The following LTBP2 variants were observed in gnomAD, a reference collection of about 807,000 sequenced individuals.
The protein encoded by LTBP2 is latent transforming growth factor beta binding protein 2, also known as latent-transforming growth factor beta-binding protein 2.
Under a neutral mutation model 210.6 loss-of-function variants are expected in LTBP2, and 103 were observed. The ratio of observed to expected loss-of-function variants is 0.49; its 90% CI spans 0.42 to 0.58. The LOEUF (loss-of-function observed/expected upper bound fraction) is 0.58, where lower values mean the gene tolerates loss of function less well. Among genes scored for constraint, LTBP2 ranks in the 20% least tolerant of loss-of-function variants. The pLI, the probability that LTBP2 is intolerant of heterozygous loss-of-function variation, is 0.00. For missense variants in LTBP2, 2,313 were observed against 2,494.5 expected (o/e 0.93, Z 1.55); for synonymous variants, 1,007 against 1,015.0 (o/e 0.99, Z 0.15).
At chr14:74,578,469 C>T (rs917017974) in intron 3 of LTBP2, among the ~76,000 whole-genome samples, 9 of 152,228 alleles carry the variant, frequency 5.9e-5, no homozygotes, top group African/African-American at 1.7e-4. Flanking sequence ...TTCTGCCTAA[C>T]ACCAAATTTA....
chr14:74,522,056 A>G lies in LTBP2; in HGVS notation c.2660-17T>C. 6.2e-7 allele frequency: 1 copy of G among 1,609,144 alleles called. No individual in the cohort carries two copies. On this transcript the variant is annotated splice_polypyrimidine_tract_variant and intron_variant, in intron 16 of 35. Coordinates refer to ENST00000261978, the MANE Select transcript of LTBP2 (RefSeq NM_000428.3). ...CGTTGTCATCTGACCAGAAGAAGGC[A>G]GGGAGGGAGGTCAGGGGGGCCAGCG... is the stretch of plus-strand genomic sequence containing the variant.
intron 3 of LTBP2, among the ~76,000 whole-genome samples, chr14:74,566,785 G>A (rs139802341): frequency 6.6e-6 from 1 of 152,250 alleles, no homozygotes; most frequent in Non-Finnish European, 1.5e-5. Flanking sequence ...CACTCCTGCT[G>A]CTGTGTCTGC....
chr14:74,555,924 G>C (rs1047819259), intron 3 of LTBP2, among the ~76,000 whole-genome samples: 2 of 152,186 alleles, frequency 1.3e-5, no homozygotes, highest in Non-Finnish European at 2.9e-5. Context: ...GAATCACCAG[G>C]CTTTTGGTGG....
intron 13 of LTBP2, 30 bp downstream of exon 13, chr14:74,527,317 C>T: frequency 1.2e-6 from 2 of 1,608,832 alleles, no homozygotes; most frequent in Non-Finnish European, 1.7e-6. Flanking sequence ...GCCATGCTTG[C>T]CCGGCCCCCT....
At chr14:74,527,550 CACA>C (rs1278000079) in intron 12 of LTBP2, among the ~76,000 whole-genome samples, 184 bp from the exon 13 acceptor site, 2 of 152,236 alleles carry the variant, frequency 1.3e-5, no homozygotes, top group Admixed American at 1.3e-4. Context: ...GACTGGCCAC[CACA>C]AAATTCCAGA....
intron 12 of LTBP2, among the ~76,000 whole-genome samples, chr14:74,528,135 C>T (rs904122289): frequency 3.3e-5 from 5 of 152,216 alleles, no homozygotes; most frequent in African/African-American, 7.2e-5. Context: ...GACCCACCTG[C>T]CAGCTATTCA....
In LTBP2 at chr14:74,505,145, C is replaced by T. The variant is rs759255954; in HGVS notation, c.4207G>A (p.Asp1403Asn). The T allele has an allele frequency of 4.3e-6, 7 of 1,613,460 alleles. No homozygotes were observed. Among genetic ancestry groups the T allele is most frequent in the Non-Finnish European group, 5.9e-6 (7 of 1,180,020 alleles). The change falls in exon 29 of 36, where the codon GAC becomes AAC. Residue 1403 changes from aspartate to asparagine, a missense_variant. Transcript: ENST00000261978. The part of the protein sequence containing the change: ...GQSMSEAPTG[D>N]HAPAPTRMDC... The stretch of plus-strand genomic sequence containing the variant: ...ATGCGGGTGGGGGCCGGGGCATGGT[C>T]CCCCGTTGGGGCCTCAGACATACTC...
At chr14:74,509,216 T>A (rs922261694) in intron 22 of LTBP2, 22 bp downstream of exon 22, 3 of 1,613,296 alleles carry the variant, frequency 1.9e-6, no homozygotes, top group African/African-American at 2.7e-5. Context: ...ATTTGTATCC[T>A]CTCCCACACA....
At chr14:74,534,957 A>T (rs1431625806) in intron 9 of LTBP2, among the ~76,000 whole-genome samples, 1 of 152,080 alleles carries the variant, frequency 6.6e-6, no homozygotes, top group East Asian at 1.9e-4. Context: ...CCAGATTGGG[A>T]AACATACCAG....
intron 25 of LTBP2, 147 bp downstream of exon 25, chr14:74,507,825 GC>G: frequency 1.9e-6 from 2 of 1,051,658 alleles, no homozygotes; most frequent in Non-Finnish European, 1.4e-6. Context: ...TCCTTGGACA[GC>G]CCCTGAGCCC....
rs1402711314 is a variant in LTBP2, at chr14:74,498,703, TTG to T, written c.*2179_*2180del. The stretch of plus-strand genomic sequence containing the variant: ...AAGGTGTAGTGCCAGCAGGATATAT[TTG>T]GGGGATGGTAAGTTCTCCGATGGTG... On this transcript the variant is annotated 3_prime_UTR_variant, in exon 36 of 36. Transcript: ENST00000261978. 4.3e-6 allele frequency: 1 copy of T among 232,328 alleles called. No individual in the cohort carries two copies. Among genetic ancestry groups the T allele is most frequent in the African/African-American group, 2.2e-5 (1 of 45,264 alleles). The allele number at this position is 232,328 out of a possible 1,614,324, so 14.4% of individuals were successfully genotyped here.
At chr14:74,515,657 A>T (rs1314302473) in intron 18 of LTBP2, among the ~76,000 whole-genome samples, 4 of 152,176 alleles carry the variant, frequency 2.6e-5, no homozygotes, top group Non-Finnish European at 5.9e-5. Flanking sequence ...CAGTGTCATT[A>T]TGATGCTTAA....
chr14:74,596,457 G>A (rs986803682), intron 2 of LTBP2, among the ~76,000 whole-genome samples: 5 of 152,164 alleles, frequency 3.3e-5, no homozygotes, highest in East Asian at 1.9e-4. Context: ...GAGAGATGAC[G>A]GGGAGCAGAC....
At position 74,508,968 on chromosome 14, in the gene LTBP2, G is replaced by C. The variant is rs1465639954; in HGVS notation, c.3404-16C>G. 1 of 1,612,708 alleles carries C rather than the reference G, an allele frequency of 6.2e-7. No homozygotes were observed. The highest frequency in any genetic ancestry group is 2.2e-5 in the East Asian group (1 of 44,874). Reference sequence around the variant, plus strand: ...TCATCCACATCTGCAGGGCCACACAGGGGAGGAAGACAGCCGATGGCAGCA... The same window carrying C: ...TCATCCACATCTGCAGGGCCACACACGGGAGGAAGACAGCCGATGGCAGCA... On this transcript the variant is annotated splice_polypyrimidine_tract_variant and intron_variant, in intron 22 of 35. Coordinates refer to ENST00000261978, the MANE Select transcript of LTBP2 (RefSeq NM_000428.3).
intron 9 of LTBP2, among the ~76,000 whole-genome samples, chr14:74,533,435 C>T (rs1331382053): frequency 6.6e-6 from 1 of 152,124 alleles, no homozygotes; most frequent in African/African-American, 2.4e-5. Context: ...GCAGCCAAGT[C>T]CCTCCTATTC....
chr14:74,573,623 C>A (rs763110337), intron 3 of LTBP2, among the ~76,000 whole-genome samples: 1 of 152,222 alleles, frequency 6.6e-6, no homozygotes, highest in African/African-American at 2.4e-5. Context: ...CCCTTTAGAC[C>A]TGGAGGGTAA....
intron 18 of LTBP2, among the ~76,000 whole-genome samples, chr14:74,515,341 C>T (rs1476402508): frequency 1.3e-5 from 2 of 150,504 alleles, no homozygotes; most frequent in Non-Finnish European, 2.9e-5. Flanking sequence ...ACTGCAACTT[C>T]CACGTCCTGG....
intron 3 of LTBP2, among the ~76,000 whole-genome samples, chr14:74,564,253 TTATATATATTTATATATATTTA>T (rs2087859582): frequency 4.9e-4 from 3 of 6,158 alleles, no homozygotes; most frequent in East Asian, 3.0e-3. Context: ...TTATATATAT[TTATATATATTTATATATATTTA>T]TATATATATT....
chr14:74,544,466 C>T (rs1348818165), intron 8 of LTBP2, among the ~76,000 whole-genome samples: 3 of 152,164 alleles, frequency 2.0e-5, no homozygotes, highest in Non-Finnish European at 4.4e-5. Context: ...AGCACCGTGC[C>T]TGGCACTTAT....
Sources: allele counts gnomAD v4.1 joint callset (sites outside exome capture counted in the v4.1 genomes callset), GRCh38; gene constraint gnomAD v4.1.1; transcripts MANE v1.5; gene names NCBI Gene and HGNC (gene_info 2026-07-23, HGNC 2026-07-21).